PLEK: variants seen among roughly 807,000 people sequenced by gnomAD.
PLEK encodes the protein pleckstrin, also known as platelet 47 kDa protein.
A neutral mutation model predicts 43.9 loss-of-function variants in PLEK; 25 were observed. That is an observed-to-expected ratio of 0.57 (90% CI 0.41 to 0.79). The LOEUF (loss-of-function observed/expected upper bound fraction) is 0.79, where lower values mean the gene tolerates loss of function less well. Ranked by LOEUF, PLEK falls within the 30% of genes least tolerant of loss-of-function variation. PLEK has a pLI of 0.00. For missense variants in PLEK, 396 were observed against 413.3 expected, an observed-to-expected ratio of 0.96 and a Z score of 0.36; for synonymous variants, 152 against 144.4, an observed-to-expected ratio of 1.05 and a Z score of -0.38.
chr2:68,372,489 T>C (rs1225546227), intron 1 of PLEK, among the ~76,000 whole-genome samples: 1 of 152,146 alleles, frequency 6.6e-6, no homozygotes, highest in East Asian at 1.9e-4. Context: ...AAGTTTATTT[T>C]TAATATGGTC....
chr2:68,390,777 G>A (rs1673843289), intron 6 of PLEK, among the ~76,000 whole-genome samples: 1 of 152,200 alleles, frequency 6.6e-6, no homozygotes, highest in Non-Finnish European at 1.5e-5. Context: ...AAGTAGCTGT[G>A]GCTAACTGGA....
At chr2:68,395,501 T>C (rs998415560) in intron 8 of PLEK, among the ~76,000 whole-genome samples, 179 bp from the exon 9 acceptor site, 1 of 152,176 alleles carries the variant, frequency 6.6e-6, no homozygotes, top group African/African-American at 2.4e-5. Flanking sequence ...ATCAATACTA[T>C]GTATATAACT....
In PLEK at chr2:68,386,395, C is replaced by T. The variant is rs189906385; in HGVS notation, c.473-107C>T. On this transcript the variant is annotated intron_variant, in intron 4 of 8. Coordinates refer to ENST00000234313, the MANE Select transcript of PLEK (RefSeq NM_002664.3). Reference sequence around the variant, plus strand: ...CTCTTTCTTGAAATAACAGGGGAGACGAGACAAGTCAGACCTGTGGGTGAG... The same window carrying T: ...CTCTTTCTTGAAATAACAGGGGAGATGAGACAAGTCAGACCTGTGGGTGAG... 350 of 723,010 alleles carry T rather than the reference C, an allele frequency of 4.8e-4. 1 individual carries two copies. In the African/African-American group the frequency reaches 5.1e-3, roughly 11 times the overall value. 44.8% of individuals were successfully genotyped at this position (723,010 alleles called of 1,614,324 possible).
At chr2:68,383,170 C>A (rs374080698) in intron 4 of PLEK, among the ~76,000 whole-genome samples, 3 of 152,286 alleles carry the variant, frequency 2.0e-5, no homozygotes, top group South Asian at 4.1e-4. Context: ...AATAACTTAG[C>A]CTCTCTGTGC....
chr2:68,394,647 T>C (rs1391524901), intron 8 of PLEK, among the ~76,000 whole-genome samples: 1 of 152,214 alleles, frequency 6.6e-6, no homozygotes, highest in Non-Finnish European at 1.5e-5. Flanking sequence ...TTGGATGGCT[T>C]TGTGGATGCC....
At chr2:68,389,055 C>A (rs577781007) in intron 6 of PLEK, among the ~76,000 whole-genome samples, 1 of 152,182 alleles carries the variant, frequency 6.6e-6, no homozygotes, top group South Asian at 2.1e-4. Context: ...GGGGGGATGT[C>A]CAGGTGTCCA....
intron 1 of PLEK, among the ~76,000 whole-genome samples, chr2:68,374,290 C>T (rs1391408181): frequency 6.6e-6 from 1 of 152,220 alleles, no homozygotes; most frequent in East Asian, 1.9e-4. Flanking sequence ...ACACCTTTTA[C>T]ATTCAAATGA....
chr2:68,386,176 G>C (rs1673738211), intron 4 of PLEK, among the ~76,000 whole-genome samples: 1 of 151,012 alleles, frequency 6.6e-6, no homozygotes, highest in African/African-American at 2.4e-5. Context: ...TATGTTGCCT[G>C]GGCTGGTCTT....
chr2:68,389,949 A>T (rs2103782809), intron 6 of PLEK, among the ~76,000 whole-genome samples: 1 of 152,320 alleles, frequency 6.6e-6, no homozygotes, highest in Non-Finnish European at 1.5e-5. Context: ...TTTCTTCCAT[A>T]ATTCTATATT....
intron 6 of PLEK, among the ~76,000 whole-genome samples, chr2:68,392,150 T>G (rs1266434466): frequency 6.9e-6 from 1 of 145,706 alleles, no homozygotes; most frequent in Non-Finnish European, 1.5e-5. Context: ...CCTCCTACCT[T>G]CCTCCCCCTT....
intron 1 of PLEK, among the ~76,000 whole-genome samples, chr2:68,371,536 G>C (rs929107684): frequency 1.3e-5 from 2 of 152,192 alleles, no homozygotes; most frequent in African/African-American, 4.8e-5. Context: ...ACTGATTTAA[G>C]CAATTTACAT....
At chr2:68,394,787 G>A (rs929836090) in intron 8 of PLEK, among the ~76,000 whole-genome samples, 2 of 152,208 alleles carry the variant, frequency 1.3e-5, no homozygotes, top group South Asian at 2.1e-4. Flanking sequence ...GAATAACCAC[G>A]TGGGTGTAGT....
In PLEK at chr2:68,367,451, G is replaced by A. The variant is rs185293787; in HGVS notation, c.42+2058G>A. 2.1e-4 allele frequency among the ~76,000 whole-genome samples: 32 copies of A among 152,132 alleles called. 1 individual carries two copies. The highest frequency in any genetic ancestry group is 5.5e-4 in the African/African-American group (23 of 41,524). ...CCTCCACTCTCACATAGCTTCCAGCGTCTCATTTGATATTTTAAAGAAATG... is the reference window on the plus strand; with the variant it reads ...CCTCCACTCTCACATAGCTTCCAGCATCTCATTTGATATTTTAAAGAAATG... On this transcript the variant is annotated intron_variant, in intron 1 of 8. Coordinates refer to ENST00000234313, the MANE Select transcript of PLEK (RefSeq NM_002664.3).
chr2:68,366,553 C>T (rs1673277914), intron 1 of PLEK, among the ~76,000 whole-genome samples: 1 of 152,180 alleles, frequency 6.6e-6, no homozygotes, highest in Admixed American at 6.5e-5. Flanking sequence ...TTCATTACTC[C>T]AGCATTTTCT....
In PLEK at chr2:68,384,156, TC is replaced by T. The variant is rs1673690347; in HGVS notation, c.472+1524del. 3.8e-4 allele frequency among the ~76,000 whole-genome samples: 3 copies of T among 7,846 alleles called. No homozygotes were observed. The Admixed American group carries it at 5.1e-3, about 13-fold the overall frequency. The allele number at this position is 7,846 out of a possible 152,430, so 5.1% of individuals were successfully genotyped here. A position where few individuals can be genotyped will look rare whatever the true frequency, so the allele number is the denominator to read the frequency against. On this transcript the variant is annotated intron_variant, in intron 4 of 8. Coordinates refer to ENST00000234313, the MANE Select transcript of PLEK (RefSeq NM_002664.3). The stretch of plus-strand genomic sequence containing the variant: ...ATTGGGCTGGTTTTTTTCTTCTTGT[TC>T]TCCTTCTCCTTCTCCTTCTCCTTCT...
intron 1 of PLEK, among the ~76,000 whole-genome samples, chr2:68,367,659 G>A (rs1203968871): frequency 6.6e-6 from 1 of 152,188 alleles, no homozygotes; most frequent in Non-Finnish European, 1.5e-5. Flanking sequence ...AGCTGCATAA[G>A]ACACTGATTA....
At chr2:68,367,118 A>G (rs892662976) in intron 1 of PLEK, among the ~76,000 whole-genome samples, 5 of 152,232 alleles carry the variant, frequency 3.3e-5, no homozygotes, top group African/African-American at 1.2e-4. Context: ...CTGGAATTAA[A>G]TAGTGAAATT....
At chr2:68,367,392 T>A (rs1386439556) in intron 1 of PLEK, among the ~76,000 whole-genome samples, 2 of 152,174 alleles carry the variant, frequency 1.3e-5, no homozygotes, top group South Asian at 4.1e-4. Context: ...TAGTATCCAA[T>A]AGTTATTTTT....
Position 68,380,325 on chromosome 2 carries a change from C to G in PLEK, c.43-3C>G. The G allele has an allele frequency of 6.2e-7, 1 of 1,609,760 alleles. No homozygotes were observed. Among genetic ancestry groups the G allele is most frequent in the Non-Finnish European group, 8.5e-7 (1 of 1,177,084 alleles). On this transcript the variant is annotated splice_region_variant and splice_polypyrimidine_tract_variant and intron_variant, in intron 1 of 8. Transcript: ENST00000234313. Reference sequence around the variant, plus strand: ...ATCTCAGCTCTTTTGGTTGTCATTACAGGGGAGCGTGTTCAATACGTGGAA... The same window carrying G: ...ATCTCAGCTCTTTTGGTTGTCATTAGAGGGGAGCGTGTTCAATACGTGGAA...
Sources: allele counts gnomAD v4.1 joint callset (sites outside exome capture counted in the v4.1 genomes callset), GRCh38; gene constraint gnomAD v4.1.1; transcripts MANE v1.5; gene names NCBI Gene and HGNC (gene_info 2026-07-23, HGNC 2026-07-21).